The following TYSND1 variants were observed in gnomAD, a reference collection of about 807,000 sequenced individuals.
The protein encoded by TYSND1 is peroxisomal leader peptide-processing protease.
In TYSND1, 30 loss-of-function variants were observed where a neutral mutation model predicts 37.2. The observed-to-expected ratio is 0.81, with a 90% CI of 0.60 to 1.09. The LOEUF (loss-of-function observed/expected upper bound fraction) is 1.09. Ranked by LOEUF, TYSND1 falls within the 50% of genes least tolerant of loss-of-function variation. The probability of loss-of-function intolerance (pLI) is 0.00; values close to 1 mark genes in which losing one functional copy is unlikely to be tolerated. For synonymous variants in TYSND1, 364 were observed against 383.8 expected (o/e 0.95, Z 0.60); for missense variants, 806 against 817.4 (o/e 0.99, Z 0.17).
rs145630808 is a variant in TYSND1 at position 70,142,703 on chromosome 10, C to T, written c.1448G>A (p.Gly483Glu). 1.1e-3 allele frequency: 1,839 copies of T among 1,606,358 alleles called. 3 individuals carry two copies. Among genetic ancestry groups the T allele is most frequent in the Non-Finnish European group, 1.5e-3 (1,743 of 1,176,480 alleles). The change falls in exon 3 of 4, where the codon GGA (glycine) becomes GAA (glutamate). Residue 483 changes from glycine to glutamate, a missense_variant. By Grantham distance (98) the Gly-to-Glu change is moderately conservative (BLOSUM62 -2). Around this residue, in one of 3 missense-constraint regions of TYSND1, gnomAD observed 708 missense variants for 705.4 expected, o/e 1.00. Transcript: ENST00000287078. ...TCCTGAGTGGTTGGAGAAGAGGGGT[C>T]CCCCACTGGAGCCGCTGTGCACAGC... ...TCAVHSGSSG[G>E]PLFSNHSGNL...
Position 70,146,359 on chromosome 10 carries a change from A to G in TYSND1, c.228T>C (p.Ser76=). 1 of 1,552,902 alleles carries G rather than the reference A, an allele frequency of 6.4e-7. No homozygotes were observed. Among genetic ancestry groups the G allele is most frequent in the South Asian group, 1.2e-5 (1 of 85,162 alleles). Residue 76 remains serine, a synonymous_variant, in exon 1 of 4, where the codon AGT becomes AGC. Transcript: ENST00000287078. ...AAGAVFLPGD[S]CRDDLRLHVQ... is the part of the protein sequence containing the mutation. Reference sequence around the variant, plus strand: ...CGTGCAGGCGCAGGTCGTCCCTGCAACTGTCGCCAGGCAGGAAGACGGCGC... The same window carrying G: ...CGTGCAGGCGCAGGTCGTCCCTGCAGCTGTCGCCAGGCAGGAAGACGGCGC...
intron 1 of TYSND1, chr10:70,144,878 C>T (rs2072853013): frequency 9.2e-6 from 7 of 760,934 alleles, no homozygotes; most frequent in African/African-American, 3.8e-5. Context: ...GAACCATGTA[C>T]AGCTGCGTGG....
In TYSND1 at chr10:70,146,546, T is replaced by A; in HGVS notation, c.41A>T (p.Gln14Leu). 4.4e-6 allele frequency: 7 copies of A among 1,581,070 alleles called. No homozygotes were observed. Among genetic ancestry groups the A allele is most frequent in the Non-Finnish European group, 6.0e-6 (7 of 1,171,790 alleles). The change falls in exon 1 of 4, where the codon CAG (glutamine) becomes CTG (leucine). Residue 14 changes from glutamine to leucine, a missense_variant. By Grantham distance (113) the Gln-to-Leu change is moderately radical. Transcript: ENST00000287078. ...QWGSAMRAAE[Q>L]AGCMVSASRA... The stretch of plus-strand genomic sequence containing the variant: ...GGAGGCGCTCACCATGCAGCCCGCC[T>A]GCTCGGCCGCCCTCATGGCAGACCC...
intron 3 of TYSND1, 116 bp downstream of exon 3, chr10:70,142,552 T>A: frequency 9.9e-7 from 1 of 1,012,012 alleles, no homozygotes; most frequent in Non-Finnish European, 1.4e-6. Flanking sequence ...AGCTCACTCA[T>A]AATGCCCACC....
intron 3 of TYSND1, among the ~76,000 whole-genome samples, chr10:70,140,696 C>G (rs2072756319): frequency 6.6e-6 from 1 of 152,136 alleles, no homozygotes; most frequent in Non-Finnish European, 1.5e-5. Flanking sequence ...CCTTTATGTT[C>G]GTATCTAATG....
Position 70,146,314 on chromosome 10 carries a change from G to A in TYSND1, c.273C>T (p.Ala91=). The A allele has an allele frequency of 6.7e-7, 1 of 1,502,352 alleles. No homozygotes were observed. The highest frequency in any genetic ancestry group is 8.8e-7 in the Non-Finnish European group (1 of 1,133,986). 93.1% of individuals were successfully genotyped at this position (1,502,352 alleles called of 1,614,324 possible). A position where few individuals can be genotyped will look rare whatever the true frequency, so the allele number is the denominator to read the frequency against. ...LRLHVQWAPT[A]AGPGGGAERG... The stretch of plus-strand genomic sequence containing the variant: ...GCTCCGCGCCGCCCCCGGGACCCGC[G>A]GCCGTTGGGGCCCACTGCACGTGCA... Residue 91 remains alanine, a synonymous_variant, in exon 1 of 4, where the codon GCC becomes GCT. Transcript: ENST00000287078.
chr10:70,145,153 G>A (rs891137830), intron 1 of TYSND1, among the ~76,000 whole-genome samples: 3 of 152,118 alleles, frequency 2.0e-5, no homozygotes, highest in Non-Finnish European at 2.9e-5. Context: ...AGCCTTTGAG[G>A]GGAGCTCAAA....
intron 1 of TYSND1, chr10:70,144,375 A>T: frequency 1.2e-6 from 1 of 838,828 alleles, no homozygotes; most frequent in Non-Finnish European, 1.5e-6. Context: ...GGAGGAGCCA[A>T]GGCAAACACA....
At chr10:70,142,883 G>A (rs1371824121) in intron 2 of TYSND1, 30 bp from the exon 3 acceptor site, 2 of 1,608,570 alleles carry the variant, frequency 1.2e-6, no homozygotes, top group African/African-American at 1.3e-5. Flanking sequence ...GGTGAAGCTG[G>A]GGACACCTGT....
chr10:70,140,080 G>T lies in TYSND1; in HGVS notation c.1545C>A (p.Phe515Leu), dbSNP rs767846561. 5 of 1,614,142 alleles carry T rather than the reference G, an allele frequency of 3.1e-6. No homozygotes were observed. The South Asian group carries it at 5.5e-5, about 18-fold the overall frequency. Residue 515 changes from phenylalanine (F) to leucine (L), a missense_variant, in exon 4 of 4, where the codon TTC becomes TTA. Transcript: ENST00000287078. ...NTGATYPHLN[F>L]SIPITVLQPA... ...GCTGGAGCACCGTGATGGGAATGCT[G>T]AAGTTCAGGTGGGGGTAGGTGGCCC...
intron 3 of TYSND1, among the ~76,000 whole-genome samples, chr10:70,140,994 GT>G (rs2072762252): frequency 1.3e-5 from 2 of 150,374 alleles, no homozygotes; most frequent in Middle Eastern, 3.2e-3. Context: ...TCTTGTTTTT[GT>G]TTTTTTAGAG....
In TYSND1 at chr10:70,140,156, G is replaced by C. The variant is rs1271492173; in HGVS notation, c.1484-15C>G. On this transcript the variant is annotated splice_polypyrimidine_tract_variant and intron_variant, in intron 3 of 3. Coordinates refer to ENST00000287078, the MANE Select transcript of TYSND1 (RefSeq NM_173555.4). ...GGTGATTATGCCTGTTGAGGAGTCA[G>C]AGAGCAAAAGAGGATGTGAGCCAGG... 1.3e-6 allele frequency: 2 copies of C among 1,581,486 alleles called. No homozygotes were observed. Among genetic ancestry groups the C allele is most frequent in the Admixed American group, 1.7e-5 (1 of 58,748 alleles).
chr10:70,145,796 C>T lies in TYSND1; in HGVS notation c.791G>A (p.Gly264Asp), dbSNP rs1204926881. 1 of 1,494,960 alleles carries T rather than the reference C, an allele frequency of 6.7e-7. No homozygotes were observed. 92.6% of individuals were successfully genotyped at this position (1,494,960 alleles called of 1,614,324 possible). The change falls in exon 1 of 4, where the codon GGC becomes GAC. Residue 264 changes from glycine (G) to aspartate (D), a missense_variant. Gly to Asp is a moderately conservative substitution (Grantham distance 94). This residue lies in a region of TYSND1 where 708 missense variants were observed against 705.4 expected (regional missense o/e 1.00). Coordinates refer to ENST00000287078, the MANE Select transcript of TYSND1 (RefSeq NM_173555.4). ...DARCLPGTEG[G>D]GVFTARPAGA... ...CGCGGGCCGCGCGGTGAACACGCCGCCGCCCTCGGTGCCGGGCAGGCAGCG... is the reference window on the plus strand; with the variant it reads ...CGCGGGCCGCGCGGTGAACACGCCGTCGCCCTCGGTGCCGGGCAGGCAGCG...
Position 70,143,957 on chromosome 10 carries a change from C to G in TYSND1, c.1182G>C (p.Trp394Cys), listed in dbSNP as rs1391236456. 6.2e-7 allele frequency: 1 copy of G among 1,614,192 alleles called. No individual in the cohort carries two copies. The highest frequency in any genetic ancestry group is 8.5e-7 in the Non-Finnish European group (1 of 1,180,030). ...CCTGAGTGGCAAATACCACACGGCC[C>G]CAGATGGCCACACTCCTGGGAGCAA... ...RSTTPKSVAI[W>C]GRVVFATQET... The change falls in exon 2 of 4, where the codon TGG (tryptophan) becomes TGC (cysteine). Residue 394 changes from tryptophan (W) to cysteine (C), a missense_variant. Physicochemically the swap from Trp to Cys is radical, Grantham distance 215 (BLOSUM62 -2). This residue lies in a region of TYSND1 where 708 missense variants were observed against 705.4 expected (regional missense o/e 1.00). Coordinates refer to ENST00000287078, the MANE Select transcript of TYSND1 (RefSeq NM_173555.4).
At position 70,146,514 on chromosome 10, in the gene TYSND1, C is replaced by G; in HGVS notation, c.73G>C (p.Gly25Arg). 1 of 1,589,324 alleles carries G rather than the reference C, an allele frequency of 6.3e-7. No individual in the cohort carries two copies. Among genetic ancestry groups the G allele is most frequent in the Non-Finnish European group, 8.5e-7 (1 of 1,174,572 alleles). The change falls in exon 1 of 4, where the codon GGA (glycine) becomes CGA (arginine). Residue 25 changes from glycine (G) to arginine (R), a missense_variant. Around this residue, in one of 3 missense-constraint regions of TYSND1, gnomAD observed 84 missense variants for 79.0 expected, o/e 1.06. Transcript: ENST00000287078. ...AGCMVSASRA[G>R]QPEAGPWSCS... Reference sequence around the variant, plus strand: ...CTCCACGGGCCCGCCTCGGGCTGTCCGGCCCGGGAGGCGCTCACCATGCAG... The same window carrying G: ...CTCCACGGGCCCGCCTCGGGCTGTCGGGCCCGGGAGGCGCTCACCATGCAG...
At chr10:70,144,812 C>G in intron 1 of TYSND1, 9 of 985,264 alleles carry the variant, frequency 9.1e-6, no homozygotes, top group Non-Finnish European at 9.6e-6. Context: ...CCACACCTGG[C>G]TAAGCTTGGG....
intron 2 of TYSND1, among the ~76,000 whole-genome samples, chr10:70,143,235 G>A (rs2072815072): frequency 1.3e-5 from 2 of 152,230 alleles, no homozygotes; most frequent in African/African-American, 2.4e-5. Context: ...AAGAAATGGT[G>A]ATGATGGCTA....
chr10:70,142,645 G>C (rs754951081), intron 3 of TYSND1, 23 bp downstream of exon 3: 1 of 1,533,498 alleles, frequency 6.5e-7, no homozygotes, highest in Non-Finnish European at 8.8e-7. Context: ...GGGAGGGCGG[G>C]AGGGGGCCAA....
rs781334825 is a variant in TYSND1 at position 70,145,552 on chromosome 10, G to T, written c.1035C>A (p.Ala345=). 1 of 1,498,096 alleles carries T rather than the reference G, an allele frequency of 6.7e-7. No individual in the cohort carries two copies. 92.8% of individuals were successfully genotyped at this position (1,498,096 alleles called of 1,614,324 possible). ...TGCCGCACTCCACCAACACTGCCGC[G>T]GCTGCCCACAGGGGCCCGGAGTCTC... The part of the protein sequence containing the change: ...PLRDSGPLWA[A]AAVLVECGTV... The change falls in exon 1 of 4, where the codon GCC becomes GCA. Residue 345 remains alanine (A), a synonymous_variant. Coordinates refer to ENST00000287078, the MANE Select transcript of TYSND1 (RefSeq NM_173555.4).
Sources: allele counts gnomAD v4.1 joint callset (sites outside exome capture counted in the v4.1 genomes callset), GRCh38; gene constraint gnomAD v4.1.1; regional missense constraint gnomAD v4.1.1; transcripts MANE v1.5; gene names NCBI Gene and HGNC (gene_info 2026-07-23, HGNC 2026-07-21).